The following HS3ST4 variants were observed in gnomAD, a reference collection of about 807,000 sequenced individuals.
HS3ST4 encodes the protein heparan sulfate glucosamine 3-O-sulfotransferase 4.
A neutral mutation model predicts 29.2 loss-of-function variants in HS3ST4; 17 were observed. That is an observed-to-expected ratio of 0.58 (90% CI 0.40 to 0.87). The LOEUF (loss-of-function observed/expected upper bound fraction) is 0.87. Ranked by LOEUF, HS3ST4 falls within the 40% of genes least tolerant of loss-of-function variation. HS3ST4 has a pLI of 0.00. For missense variants in HS3ST4, 627 were observed against 634.5 expected (o/e 0.99, Z 0.13); for synonymous variants, 314 against 285.7 (o/e 1.10, Z -1.00).
intron 1 of HS3ST4, among the ~76,000 whole-genome samples, chr16:25,981,547 A>G (rs1462568343): frequency 6.6e-6 from 1 of 150,974 alleles, no homozygotes. Context: ...CTCGGGCTAG[A>G]TTATTAATCA....
intron 1 of HS3ST4, among the ~76,000 whole-genome samples, chr16:25,995,999 CT>C (rs1248395216): frequency 7.1e-6 from 1 of 141,694 alleles, no homozygotes; most frequent in Admixed American, 7.1e-5. Context: ...GTTCTTCCTC[CT>C]TGAAAAAAAA....
chr16:25,914,725 A>G (rs1968275645), intron 1 of HS3ST4, among the ~76,000 whole-genome samples: 1 of 151,768 alleles, frequency 6.6e-6, no homozygotes, highest in South Asian at 2.1e-4. Flanking sequence ...GGTCTTAGCC[A>G]GAGGGAGATG....
In HS3ST4 at chr16:25,784,190, G is replaced by T. The variant is rs912173729; in HGVS notation, c.734+91039G>T. 2.5e-4 allele frequency among the ~76,000 whole-genome samples: 38 copies of T among 152,240 alleles called. No individual in the cohort carries two copies. In the South Asian group the frequency reaches 4.1e-3, roughly 17 times the overall value. On this transcript the variant is annotated intron_variant, in intron 1 of 1. Coordinates refer to ENST00000331351, the MANE Select transcript of HS3ST4 (RefSeq NM_006040.3). The stretch of plus-strand genomic sequence containing the variant: ...ATTGGTGTGTCCTGACTGCTCTGCC[G>T]ACTGGACATGCCCTTACCTCTCTCC...
chr16:26,117,389 G>T (rs1408913861), intron 1 of HS3ST4, among the ~76,000 whole-genome samples: 2 of 152,160 alleles, frequency 1.3e-5, no homozygotes, highest in East Asian at 1.9e-4. Flanking sequence ...CTTGTTCCTG[G>T]TCTTTGAGTT....
intron 1 of HS3ST4, among the ~76,000 whole-genome samples, chr16:25,938,702 C>G (rs1167040440): frequency 1.3e-5 from 2 of 152,126 alleles, no homozygotes. Flanking sequence ...TGGCCTTGAA[C>G]TCTCCTGCCT....
At chr16:26,033,068 C>CTG (rs1430891066) in intron 1 of HS3ST4, among the ~76,000 whole-genome samples, 1 of 152,152 alleles carries the variant, frequency 6.6e-6, no homozygotes, top group Non-Finnish European at 1.5e-5. Context: ...GAACGACAGA[C>CTG]TGCGAAATTA....
intron 1 of HS3ST4, among the ~76,000 whole-genome samples, chr16:25,723,957 CA>C (rs1966513420): frequency 1.3e-5 from 2 of 151,852 alleles, no homozygotes; most frequent in African/African-American, 4.8e-5. Context: ...ACTAAACATA[CA>C]AAAAAATTAG....
intron 1 of HS3ST4, among the ~76,000 whole-genome samples, chr16:25,827,924 G>T (rs1018705012): frequency 6.6e-6 from 1 of 152,140 alleles, no homozygotes; most frequent in African/African-American, 2.4e-5. Context: ...TTGAAACCAA[G>T]TTTCAGATTC....
At chr16:26,050,233 T>A (rs1898324678) in intron 1 of HS3ST4, among the ~76,000 whole-genome samples, 1 of 152,058 alleles carries the variant, frequency 6.6e-6, no homozygotes, top group South Asian at 2.1e-4. Flanking sequence ...AGACATCACT[T>A]TGGAGATCCT....
intron 1 of HS3ST4, among the ~76,000 whole-genome samples, chr16:25,929,606 T>C (rs1211865951): frequency 6.6e-6 from 1 of 152,012 alleles, no homozygotes; most frequent in African/African-American, 2.4e-5. Flanking sequence ...ACCACACCTC[T>C]AAGGTGATTT....
intron 1 of HS3ST4, chr16:26,032,707 T>C: frequency 8.2e-7 from 1 of 1,214,610 alleles, no homozygotes; most frequent in Non-Finnish European, 1.2e-6. Flanking sequence ...GCTCTGGCTT[T>C]GGAGGAGCAG....
rs1385209189 is a variant in HS3ST4, at chr16:26,060,601, C to T, written c.735-75011C>T. ...CACTTAGCTGTGACAGGGACTGGGA[C>T]TGTTTCTCAGCATAGTTCTGCAATC... is the stretch of plus-strand genomic sequence containing the variant. On this transcript the variant is annotated intron_variant, in intron 1 of 1. Coordinates refer to ENST00000331351, the MANE Select transcript of HS3ST4 (RefSeq NM_006040.3). 2.0e-5 allele frequency among the ~76,000 whole-genome samples: 3 copies of T among 152,168 alleles called. No homozygotes were observed. In the East Asian group the frequency reaches 5.8e-4, roughly 29 times the overall value.
intron 1 of HS3ST4, among the ~76,000 whole-genome samples, chr16:26,014,677 A>G (rs1969345561): frequency 6.6e-6 from 1 of 152,118 alleles, no homozygotes; most frequent in South Asian, 2.1e-4. Flanking sequence ...CACGATCTTG[A>G]TCTTTTTTAT....
intron 1 of HS3ST4, among the ~76,000 whole-genome samples, chr16:25,805,445 C>T (rs1469559238): frequency 6.6e-6 from 1 of 152,148 alleles, no homozygotes; most frequent in African/African-American, 2.4e-5. Context: ...GTCCTTGAGA[C>T]AGTCTTTATC....
intron 1 of HS3ST4, among the ~76,000 whole-genome samples, chr16:25,766,677 G>A (rs2079536092): frequency 6.6e-6 from 1 of 152,182 alleles, no homozygotes; most frequent in Non-Finnish European, 1.5e-5. Flanking sequence ...GTGATACAAT[G>A]ATGAAAAACA....
At chr16:25,749,382 C>A (rs78418200) in intron 1 of HS3ST4, among the ~76,000 whole-genome samples, 2 of 152,138 alleles carry the variant, frequency 1.3e-5, no homozygotes, top group Admixed American at 1.3e-4. Flanking sequence ...GTAGTTCCAG[C>A]TACTTGGGAG....
At chr16:25,942,037 A>G (rs959426618) in intron 1 of HS3ST4, among the ~76,000 whole-genome samples, 1 of 152,144 alleles carries the variant, frequency 6.6e-6, no homozygotes, top group Non-Finnish European at 1.5e-5. Context: ...GGACCATAGG[A>G]TAGAATTAGC....
At chr16:25,800,921 C>G (rs59629270) in intron 1 of HS3ST4, among the ~76,000 whole-genome samples, 56,098 of 151,948 alleles carry the variant, frequency 0.37, 11,182 homozygotes, top group African/African-American at 0.52. Context: ...TGATCTTGGA[C>G]TTCCCAGCTT....
intron 1 of HS3ST4, among the ~76,000 whole-genome samples, chr16:26,088,506 T>G (rs1030845962): frequency 6.6e-6 from 1 of 152,202 alleles, no homozygotes; most frequent in Non-Finnish European, 1.5e-5. Flanking sequence ...GTTGGTTATT[T>G]GATTGTGATA....
Sources: gnomAD v4.1 joint callset for allele counts (sites outside exome capture counted in the v4.1 genomes callset) on GRCh38, gnomAD v4.1.1 for gene constraint, MANE v1.5 for transcripts, NCBI Gene and HGNC (gene_info 2026-07-23, HGNC 2026-07-21) for gene names.